Variants in LRFN2 observed in about 807,000 individuals in gnomAD.
The protein encoded by LRFN2 is leucine rich repeat and fibronectin type III domain containing 2.
LRFN2 carries 18 observed loss-of-function variants against 37.3 expected under a neutral mutation model. The observed-to-expected ratio is 0.48, with a 90% CI of 0.33 to 0.72. LRFN2 has a LOEUF of 0.72. Ranked by LOEUF, LRFN2 falls within the 30% of genes least tolerant of loss-of-function variation. The pLI, the probability that LRFN2 is intolerant of heterozygous loss-of-function variation, is 0.02. For missense variants in LRFN2, 1,006 were observed against 1,060.7 expected, an observed-to-expected ratio of 0.95 and a Z score of 0.72; for synonymous variants, 556 against 466.6, an observed-to-expected ratio of 1.19 and a Z score of -2.47.
At chr6:40,520,640 C>T (rs967336684) in intron 1 of LRFN2, among the ~76,000 whole-genome samples, 7 of 152,066 alleles carry the variant, frequency 4.6e-5, no homozygotes, top group South Asian at 2.1e-4. Context: ...CTGAGGAGGA[C>T]GAGCAGCTGG....
chr6:40,415,210 TTTTTG>T lies in LRFN2; in HGVS notation c.1400+16499_1400+16503del, dbSNP rs5875718. 1.1e-3 allele frequency among the ~76,000 whole-genome samples: 166 copies of T among 150,162 alleles called. 2 individuals carry two copies. The highest frequency in any genetic ancestry group is 7.0e-3 in the South Asian group (33 of 4,748). ...CTGATTGAGCTCCTACTTTTACTTG[TTTTTG>T]TTTTGTTTTGTTTTGTTTTGTTTTG... On this transcript the variant is annotated intron_variant, in intron 2 of 2. Transcript: ENST00000338305.
chr6:40,535,959 C>A (rs923213536), intron 1 of LRFN2, among the ~76,000 whole-genome samples: 4 of 152,026 alleles, frequency 2.6e-5, no homozygotes, highest in African/African-American at 9.7e-5. Context: ...GATGCAGAAG[C>A]CAATGGGTCC....
intron 2 of LRFN2, among the ~76,000 whole-genome samples, chr6:40,423,616 A>G (rs1196478430): frequency 6.6e-6 from 1 of 152,218 alleles, no homozygotes; most frequent in Non-Finnish European, 1.5e-5. Context: ...CTGCCTTCCT[A>G]TCTTCTCTGC....
chr6:40,520,753 C>A (rs912749348), intron 1 of LRFN2, among the ~76,000 whole-genome samples: 1 of 152,108 alleles, frequency 6.6e-6, no homozygotes, highest in Non-Finnish European at 1.5e-5. Context: ...TACCTTAGAC[C>A]TGTCCCCCTC....
At chr6:40,463,471 C>G (rs2113851400) in intron 1 of LRFN2, among the ~76,000 whole-genome samples, 1 of 152,174 alleles carries the variant, frequency 6.6e-6, no homozygotes, top group South Asian at 2.1e-4. Context: ...TTTCCTGGCT[C>G]AAAAACTTTT....
chr6:40,524,907 TAGAA>T (rs999000783), intron 1 of LRFN2, among the ~76,000 whole-genome samples: 2 of 152,194 alleles, frequency 1.3e-5, no homozygotes, highest in African/African-American at 4.8e-5. Context: ...TATTTCCTGT[TAGAA>T]AGAACCACTA....
At chr6:40,502,135 A>T (rs1379807093) in intron 1 of LRFN2, 5 of 152,180 alleles carry the variant, frequency 3.3e-5, no homozygotes. Flanking sequence ...TTGCTACTTC[A>T]TTGAATGCCC....
intron 1 of LRFN2, among the ~76,000 whole-genome samples, chr6:40,504,510 A>T (rs1189635317): frequency 6.6e-6 from 1 of 152,196 alleles, no homozygotes; most frequent in Non-Finnish European, 1.5e-5. Flanking sequence ...GTCATGACTC[A>T]TTATGAGGGT....
chr6:40,459,835 C>T (rs915222010), intron 1 of LRFN2, among the ~76,000 whole-genome samples: 1 of 152,180 alleles, frequency 6.6e-6, no homozygotes, highest in Admixed American at 6.5e-5. Context: ...CTAGGGGCCT[C>T]ATACATTATT....
At chr6:40,562,801 G>A (rs985348048) in intron 1 of LRFN2, among the ~76,000 whole-genome samples, 4 of 150,160 alleles carry the variant, frequency 2.7e-5, no homozygotes, top group African/African-American at 9.8e-5. Context: ...ACATGCAAAG[G>A]CACATGTGAG....
At chr6:40,519,018 T>C (rs1021968290) in intron 1 of LRFN2, among the ~76,000 whole-genome samples, 1 of 152,076 alleles carries the variant, frequency 6.6e-6, no homozygotes, top group Admixed American at 6.5e-5. Flanking sequence ...GATCTGAGCA[T>C]GACCAGGGCA....
chr6:40,470,659 G>A (rs947783475), intron 1 of LRFN2, among the ~76,000 whole-genome samples: 8 of 151,390 alleles, frequency 5.3e-5, no homozygotes, highest in African/African-American at 1.2e-4. Flanking sequence ...GGAATTCCCC[G>A]ATGGAAAGAG....
At chr6:40,485,493 T>C (rs1412447380) in intron 1 of LRFN2, among the ~76,000 whole-genome samples, 1 of 152,192 alleles carries the variant, frequency 6.6e-6, no homozygotes, top group Non-Finnish European at 1.5e-5. Context: ...ATGTTTGCTG[T>C]CTGCAGCTGG....
At chr6:40,512,470 C>G (rs1015532203) in intron 1 of LRFN2, among the ~76,000 whole-genome samples, 6 of 152,194 alleles carry the variant, frequency 3.9e-5, no homozygotes, top group Non-Finnish European at 5.9e-5. Flanking sequence ...CAATGAAATA[C>G]TGTAGCACAC....
chr6:40,585,715 A>T (rs530381449), intron 1 of LRFN2, among the ~76,000 whole-genome samples: 5 of 152,070 alleles, frequency 3.3e-5, no homozygotes, highest in African/African-American at 1.2e-4. Context: ...TTTCCTCCCT[A>T]GCTTTGCTCC....
intron 1 of LRFN2, among the ~76,000 whole-genome samples, chr6:40,497,042 G>A (rs1765244827): frequency 6.6e-6 from 1 of 152,178 alleles, no homozygotes; most frequent in Admixed American, 6.5e-5. Context: ...GGTGCACCAT[G>A]CAAAGGAGTC....
intron 2 of LRFN2, among the ~76,000 whole-genome samples, chr6:40,399,441 T>TC (rs1391303488): frequency 1.5e-5 from 2 of 136,704 alleles, no homozygotes; most frequent in African/African-American, 6.2e-5. Flanking sequence ...TTTTTTTCTT[T>TC]TTTTTTTTTT....
intron 1 of LRFN2, among the ~76,000 whole-genome samples, chr6:40,473,911 C>T (rs1198945049): frequency 1.3e-5 from 2 of 152,158 alleles, no homozygotes; most frequent in African/African-American, 4.8e-5. Context: ...AAACTGGCCG[C>T]CTGGACCCAC....
chr6:40,422,697 A>G (rs887705718), intron 2 of LRFN2, among the ~76,000 whole-genome samples: 18 of 152,162 alleles, frequency 1.2e-4, no homozygotes, highest in African/African-American at 4.1e-4. Flanking sequence ...CATTGTCCCC[A>G]AGTCCCAGGC....
Sources: allele counts gnomAD v4.1 joint callset (sites outside exome capture counted in the v4.1 genomes callset), GRCh38; gene constraint gnomAD v4.1.1; transcripts MANE v1.5; gene names NCBI Gene and HGNC (gene_info 2026-07-23, HGNC 2026-07-21).